The following EXOC3L2 variants were observed in gnomAD, a reference collection of about 807,000 sequenced individuals.
The protein encoded by EXOC3L2 is exocyst complex component 3 like 2.
In EXOC3L2, 17 loss-of-function variants were observed where a neutral mutation model predicts 44.4. That is an observed-to-expected ratio of 0.38 (90% confidence interval 0.26 to 0.57). The LOEUF (loss-of-function observed/expected upper bound fraction) is 0.57, where lower values mean the gene tolerates loss of function less well. Among genes scored for constraint, EXOC3L2 ranks in the 20% least tolerant of loss-of-function variants. EXOC3L2 has a pLI of 0.65. For missense variants in EXOC3L2, 541 were observed against 588.4 expected (o/e 0.92, Z 0.83); for synonymous variants, 256 against 253.7 (o/e 1.01, Z -0.09).
chr19:45,213,761 A>G (rs567379264), intron 11 of EXOC3L2, among the ~76,000 whole-genome samples: 3 of 151,900 alleles, frequency 2.0e-5, no homozygotes, highest in African/African-American at 4.8e-5. Context: ...CCTGGCCAAC[A>G]TGGCGAAACC....
intron 7 of EXOC3L2, among the ~76,000 whole-genome samples, chr19:45,225,509 C>T (rs1334779817): frequency 6.6e-6 from 1 of 152,058 alleles, no homozygotes; most frequent in Non-Finnish European, 1.5e-5. Context: ...ACCTTGTGAT[C>T]CACCTGCCTT....
intron 9 of EXOC3L2, 147 bp from the exon 10 acceptor site, chr19:45,217,830 C>T (rs1242585824): frequency 2.0e-6 from 2 of 1,000,652 alleles, no homozygotes; most frequent in Middle Eastern, 3.4e-4. Flanking sequence ...CCCCAGTCCC[C>T]AGCCCCTGAG....
chr19:45,217,670 T>G lies in EXOC3L2; in HGVS notation c.1856A>C (p.Glu619Ala). The change falls in exon 10 of 12, where the codon GAG becomes GCG. Residue 619 changes from glutamate (E) to alanine (A), a missense_variant. By Grantham distance (107) the Glu-to-Ala change is moderately radical. Transcript: ENST00000413988. Reference sequence around the variant, plus strand: ...CTCGACCAGCGCCCGCCGGTGTAGCTCGGCTACCAGCGCCTGGAGGCGGAG... The same window carrying G: ...CTCGACCAGCGCCCGCCGGTGTAGCGCGGCTACCAGCGCCTGGAGGCGGAG... ...QDEPYQALVA[E>A]LHRRALVEYV... The G allele has an allele frequency of 3.6e-6, 5 of 1,405,914 alleles. No homozygotes were observed. The South Asian group carries it at 7.7e-5, about 22-fold the overall frequency. 87.1% of individuals were successfully genotyped at this position (1,405,914 alleles called of 1,614,324 possible).
At chr19:45,229,870 A>AC (rs1377260714) in intron 4 of EXOC3L2, among the ~76,000 whole-genome samples, 400 of 107,294 alleles carry the variant, frequency 3.7e-3, no homozygotes, top group African/African-American at 0.021. Context: ...TGTACATTAT[A>AC]AATAAAGCTA....
Position 45,238,892 on chromosome 19 carries a change from A to C in EXOC3L2, c.154T>G (p.Cys52Gly), listed in dbSNP as rs1970107324. The change falls in exon 2 of 12, where the codon TGT becomes GGT. Residue 52 changes from cysteine (C) to glycine (G), a missense_variant. Physicochemically the swap from Cys to Gly is radical, Grantham distance 159. Transcript: ENST00000413988. The surrounding 1 kb of genome is among the most constrained non-coding windows in gnomAD (Gnocchi z 5.5). ...TTCTCCAGGGTGGCGCGGCGGCGAC[A>C]AGATGTTCCATTGGGGAGGGACCCC... ...ELGSLPNGTS[C>G]RRRATLEKLA... 2 of 399,164 alleles carry C rather than the reference A, an allele frequency of 5.0e-6. No individual in the cohort carries two copies. Among genetic ancestry groups the C allele is most frequent in the Non-Finnish European group, 8.8e-6 (2 of 226,184 alleles). The allele number at this position is 399,164 out of a possible 1,614,324, so 24.7% of individuals were successfully genotyped here.
At chr19:45,218,158 T>TGCCCCCCCC in intron 9 of EXOC3L2, 39 bp downstream of exon 9, 71 of 1,034,878 alleles carry the variant, frequency 6.9e-5, no homozygotes, top group Non-Finnish European at 8.7e-5. Flanking sequence ...TCCCCTCTTT[T>TGCCCCCCCC]CCCCCACCCC....
At chr19:45,230,020 A>T (rs1970013942) in intron 4 of EXOC3L2, among the ~76,000 whole-genome samples, 1 of 151,276 alleles carries the variant, frequency 6.6e-6, no homozygotes, top group African/African-American at 2.4e-5. Context: ...AGTATTATTT[A>T]TATTAAATAT....
intron 7 of EXOC3L2, among the ~76,000 whole-genome samples, chr19:45,225,618 CTCTTTT>C (rs1176996959): frequency 4.3e-4 from 61 of 140,658 alleles, no homozygotes; most frequent in African/African-American, 1.6e-3. Flanking sequence ...CCTTACTCTT[CTCTTTT>C]TTTTTTTTTT....
Position 45,217,678 on chromosome 19 carries a change from C to T in EXOC3L2, c.1848G>A (p.Leu616=). 7.1e-7 allele frequency: 1 copy of T among 1,401,764 alleles called. No individual in the cohort carries two copies. The highest frequency in any genetic ancestry group is 9.2e-7 in the Non-Finnish European group (1 of 1,085,860). The allele number at this position is 1,401,764 out of a possible 1,614,324, so 86.8% of individuals were successfully genotyped here. A position where few individuals can be genotyped will look rare whatever the true frequency, so the allele number is the denominator to read the frequency against. Residue 616 remains leucine (L), a synonymous_variant, in exon 10 of 12, where the codon CTG becomes CTA. Coordinates refer to ENST00000413988, the MANE Select transcript of EXOC3L2 (RefSeq NM_001382422.1). ...RRMQDEPYQA[L]VAELHRRALV... ...GCGCCCGCCGGTGTAGCTCGGCTACCAGCGCCTGGAGGCGGAGGAGGGAAA... is the reference window on the plus strand; with the variant it reads ...GCGCCCGCCGGTGTAGCTCGGCTACTAGCGCCTGGAGGCGGAGGAGGGAAA...
chr19:45,241,602 T>C (rs907062036), intron 1 of EXOC3L2, among the ~76,000 whole-genome samples: 10 of 152,146 alleles, frequency 6.6e-5, no homozygotes, highest in African/African-American at 2.2e-4. Flanking sequence ...CTTCATGCTC[T>C]GGCAGCTGCA....
intron 8 of EXOC3L2, among the ~76,000 whole-genome samples, chr19:45,223,079 C>G (rs1969915523): frequency 6.6e-6 from 1 of 151,964 alleles, no homozygotes; most frequent in African/African-American, 2.4e-5. Context: ...ATAGTGAGAC[C>G]CTGTCTCTAC....
chr19:45,213,027 G>A lies in EXOC3L2; in HGVS notation c.*42C>T. 7.0e-7 allele frequency: 1 copy of A among 1,438,036 alleles called. No homozygotes were observed. The highest frequency in any genetic ancestry group is 1.5e-5 in the South Asian group (1 of 65,444). The allele number at this position is 1,438,036 out of a possible 1,614,324, so 89.1% of individuals were successfully genotyped here. A position where few individuals can be genotyped will look rare whatever the true frequency, so the allele number is the denominator to read the frequency against. On this transcript the variant is annotated 3_prime_UTR_variant, in exon 12 of 12. Coordinates refer to ENST00000413988, the MANE Select transcript of EXOC3L2 (RefSeq NM_001382422.1). Reference sequence around the variant, plus strand: ...CGCCGTACGGGAGGTTGGCTTGTCAGCAGCATAGATGGGGTCACTAAGGCC... The same window carrying A: ...CGCCGTACGGGAGGTTGGCTTGTCAACAGCATAGATGGGGTCACTAAGGCC...
chr19:45,223,443 G>A lies in EXOC3L2; in HGVS notation c.1719+1335C>T, dbSNP rs148761251. On this transcript the variant is annotated intron_variant, in intron 8 of 11. Coordinates refer to ENST00000413988, the MANE Select transcript of EXOC3L2 (RefSeq NM_001382422.1). ...CTGCAACCTCAGCCCCCTGGGTACA[G>A]GCAATTCTCCTGCCTCAGCCTCCAG... Among the ~76,000 whole-genome samples, 607 of 152,066 alleles carry A rather than the reference G, an allele frequency of 4.0e-3. 3 individuals carry two copies. The highest frequency in any genetic ancestry group is 0.012 in the African/African-American group (516 of 41,528).
Position 45,218,249 on chromosome 19 carries a change from G to A in EXOC3L2, c.1790C>T (p.Thr597Met), listed in dbSNP as rs202199122. 9 of 1,484,188 alleles carry A rather than the reference G, an allele frequency of 6.1e-6. No homozygotes were observed. The highest frequency in any genetic ancestry group is 2.9e-5 in the African/African-American group (2 of 70,110). The allele number at this position is 1,484,188 out of a possible 1,614,324, so 91.9% of individuals were successfully genotyped here. ...CAGGGCCAGGGCCTGGGCACCCAGC[G>A]TGCCCACGATGCCATCCAGGGCCTC... ...SPEALDGIVG[T>M]LGAQALALRR... Residue 597 changes from threonine to methionine, a missense_variant, in exon 9 of 12, where the codon ACG (threonine) becomes ATG (methionine). Thr to Met is a moderately conservative substitution (Grantham distance 81, BLOSUM62 -1). Coordinates refer to ENST00000413988, the MANE Select transcript of EXOC3L2 (RefSeq NM_001382422.1).
At chr19:45,218,166 C>A in intron 9 of EXOC3L2, 31 bp downstream of exon 9, 1 of 1,281,180 alleles carries the variant, frequency 7.8e-7, no homozygotes, top group East Asian at 2.8e-5. Context: ...TTTCCCCCAC[C>A]CCCACCTCCC....
chr19:45,213,411 C>T lies in EXOC3L2; in HGVS notation c.2121-54G>A. On this transcript the variant is annotated intron_variant, in intron 11 of 11. Transcript: ENST00000413988. ...GCAGATCCCCAGCTCTAGACACACA[C>T]CCAACCCAGCCGTGGACCCCACCTG... The T allele has an allele frequency of 1.9e-6, 3 of 1,594,462 alleles. No individual in the cohort carries two copies. The South Asian group carries it at 3.4e-5, about 18-fold the overall frequency.
At chr19:45,242,599 C>T (rs11880654) in intron 1 of EXOC3L2, among the ~76,000 whole-genome samples, 11,826 of 152,052 alleles carry the variant, frequency 0.078, 528 homozygotes, top group Middle Eastern at 0.12. Flanking sequence ...CAGTGGCTCA[C>T]GCCTATAATC....
rs746268208 is a variant in EXOC3L2, at chr19:45,227,990, C to T, written c.1456G>A (p.Ala486Thr). The change falls in exon 6 of 12, where the codon GCA (alanine) becomes ACA (threonine). Residue 486 changes from alanine (A) to threonine (T), a missense_variant. Physicochemically the swap from Ala to Thr is moderately conservative, Grantham distance 58. Coordinates refer to ENST00000413988, the MANE Select transcript of EXOC3L2 (RefSeq NM_001382422.1). Reference sequence around the variant, plus strand: ...TTCCCCTACCTCTGCAGGAACTCTGCCAGCCCGCCTAGGCAGCAGTGGGCC... The same window carrying T: ...TTCCCCTACCTCTGCAGGAACTCTGTCAGCCCGCCTAGGCAGCAGTGGGCC... Reference protein sequence around the residue: ...RMAHCCLGGLAEFLQSFQQRV... With the variant: ...RMAHCCLGGLTEFLQSFQQRV... The T allele has an allele frequency of 1.2e-6, 2 of 1,613,734 alleles. No homozygotes were observed. Among genetic ancestry groups the T allele is most frequent in the Non-Finnish European group, 1.7e-6 (2 of 1,180,002 alleles).
At chr19:45,223,305 T>C (rs10423753) in intron 8 of EXOC3L2, among the ~76,000 whole-genome samples, 13,255 of 151,840 alleles carry the variant, frequency 0.087, 786 homozygotes, top group African/African-American at 0.16. Flanking sequence ...TGGAGAAAAA[T>C]AGCAGGGAGT....
Sources: gnomAD v4.1 joint callset for allele counts (sites outside exome capture counted in the v4.1 genomes callset) on GRCh38, gnomAD v4.1.1 for gene constraint, Gnocchi (gnomAD v3.1) non-coding constraint, MANE v1.5 for transcripts, NCBI Gene and HGNC (gene_info 2026-07-23, HGNC 2026-07-21) for gene names.